The following PSMD5 variants were observed in gnomAD, a reference collection of about 807,000 sequenced individuals.
PSMD5 encodes the protein proteasome 26S subunit, non-ATPase 5.
Under a neutral mutation model 52.1 loss-of-function variants are expected in PSMD5, and 40 were observed. The observed-to-expected ratio is 0.77, with a 90% CI of 0.60 to 1.00. PSMD5 has a LOEUF of 1.00. PSMD5 is among the 50% of genes least tolerant of loss of function. The pLI, the probability that PSMD5 is intolerant of heterozygous loss-of-function variation, is 0.00. For missense variants in PSMD5, 575 were observed against 605.2 expected (o/e 0.95, Z 0.52); for synonymous variants, 211 against 226.6 (o/e 0.93, Z 0.62).
At chr9:120,837,158 G>A (rs763101634) in intron 1 of PSMD5, among the ~76,000 whole-genome samples, 24 of 152,100 alleles carry the variant, frequency 1.6e-4, no homozygotes, top group Non-Finnish European at 2.2e-4. Context: ...CAAAATGCTG[G>A]GATTACAGGC....
In PSMD5 at chr9:120,826,844, A is replaced by G. The variant is rs371086067; in HGVS notation, c.735T>C (p.Ala245=). 20 of 1,613,374 alleles carry G rather than the reference A, an allele frequency of 1.2e-5. No individual in the cohort carries two copies. The highest frequency in any genetic ancestry group is 1.7e-5 in the Non-Finnish European group (20 of 1,179,414). The part of the protein sequence containing the change: ...AYTHHGRQYL[A]QEGVIDQISN... ...AAATTTGGTCAATTACTCCTTCTTG[A>G]GCAAGATATTGTCGCCCATGATGAG... The change falls in exon 6 of 10, where the codon GCT becomes GCC. Residue 245 remains alanine (A), a synonymous_variant. Transcript: ENST00000210313.
At chr9:120,824,460 A>T (rs766977934) in intron 7 of PSMD5, 34 bp downstream of exon 7, 2 of 1,603,530 alleles carry the variant, frequency 1.2e-6, no homozygotes, top group Non-Finnish European at 8.5e-7. Context: ...GTCAAAGATT[A>T]AGATATCCCT....
At chr9:120,836,365 ATATC>A (rs1366017135) in intron 1 of PSMD5, among the ~76,000 whole-genome samples, 2 of 150,368 alleles carry the variant, frequency 1.3e-5, no homozygotes, top group African/African-American at 4.9e-5. Context: ...TTAATGTTGA[ATATC>A]TTTCTACGTG....
In PSMD5 at chr9:120,816,873, A is replaced by G. The variant is rs148844021; in HGVS notation, c.*1033T>C. 6.6e-6 allele frequency: 1 copy of G among 152,326 alleles called. No homozygotes were observed. Among genetic ancestry groups the G allele is most frequent in the Non-Finnish European group, 1.5e-5 (1 of 68,028 alleles). The allele number at this position is 152,326 out of a possible 1,614,324, so 9.4% of individuals were successfully genotyped here. A position where few individuals can be genotyped will look rare whatever the true frequency, so the allele number is the denominator to read the frequency against. ...GGAGTAAGTTTCCCTTTCTCTGATC[A>G]ACTCAAGATTGACTTTATAGGTATG... On this transcript the variant is annotated 3_prime_UTR_variant, in exon 10 of 10. Coordinates refer to ENST00000210313, the MANE Select transcript of PSMD5 (RefSeq NM_005047.4).
At chr9:120,831,229 G>A in intron 4 of PSMD5, 102 bp downstream of exon 4, 1 of 1,247,110 alleles carries the variant, frequency 8.0e-7, no homozygotes, top group African/African-American at 1.5e-5. Context: ...CCTACTGTAG[G>A]GCCAAACACA....
chr9:120,826,669 A>T, intron 6 of PSMD5, 96 bp downstream of exon 6: 1 of 1,397,980 alleles, frequency 7.2e-7, no homozygotes, highest in Non-Finnish European at 9.6e-7. Flanking sequence ...AAAGGAAAAC[A>T]ATCCCTGTCC....
Position 120,829,339 on chromosome 9 carries a change from CTCTT to C in PSMD5, c.562-135_562-132del, listed in dbSNP as rs372021519. The C allele has an allele frequency of 2.6e-6, 3 of 1,144,794 alleles. No homozygotes were observed. In the African/African-American group the frequency reaches 4.8e-5, roughly 18 times the overall value. 70.9% of individuals were successfully genotyped at this position (1,144,794 alleles called of 1,614,324 possible). On this transcript the variant is annotated intron_variant, in intron 4 of 9. Coordinates refer to ENST00000210313, the MANE Select transcript of PSMD5 (RefSeq NM_005047.4). ...GAGTTTTAAAAAATCCATTATTTGT[CTCTT>C]TAAGTAGAAAAACTTCAGTGAACGC...
At chr9:120,826,142 C>A (rs2045120485) in intron 6 of PSMD5, among the ~76,000 whole-genome samples, 1 of 151,908 alleles carries the variant, frequency 6.6e-6, no homozygotes, top group African/African-American at 2.4e-5. Context: ...CTACCGGCAC[C>A]CACCACCATG....
rs567419224 is a variant in PSMD5 at position 120,833,388 on chromosome 9, G to T, written c.242C>A (p.Ala81Asp). ...LLQAMEPVHV[A>D]RNLRVDLQRG... ...CTGCAGGTCAACCCTGAGGTTCCGG[G>T]CCACGTGAACCGGTTCCATAGCTTG... is the stretch of plus-strand genomic sequence containing the variant. The change falls in exon 2 of 10, where the codon GCC (alanine) becomes GAC (aspartate). Residue 81 changes from alanine (A) to aspartate (D), a missense_variant. Physicochemically the swap from Ala to Asp is moderately radical, Grantham distance 126. Coordinates refer to ENST00000210313, the MANE Select transcript of PSMD5 (RefSeq NM_005047.4). The T allele has an allele frequency of 1.9e-6, 3 of 1,613,976 alleles. No homozygotes were observed. The East Asian group carries it at 6.7e-5, about 36-fold the overall frequency.
chr9:120,824,731 C>T, intron 6 of PSMD5, 46 bp from the exon 7 acceptor site: 1 of 1,489,780 alleles, frequency 6.7e-7, no homozygotes, highest in Non-Finnish European at 9.1e-7. Context: ...AACAAGACAG[C>T]ATGAATTGCG....
chr9:120,839,712 A>C (rs1203568432), intron 1 of PSMD5, among the ~76,000 whole-genome samples: 1 of 152,202 alleles, frequency 6.6e-6, no homozygotes, highest in African/African-American at 2.4e-5. Context: ...AACTCTTTTA[A>C]ATGATCAAAT....
Position 120,830,198 on chromosome 9 carries a change from AACT to A in PSMD5, c.562-993_562-991del, listed in dbSNP as rs2045150314. On this transcript the variant is annotated intron_variant, in intron 4 of 9. Transcript: ENST00000210313. The stretch of plus-strand genomic sequence containing the variant: ...CAGAATGAGCCAAGGTCTAATACCC[AACT>A]AAGCAGACTGTGAGACACAGCCAGT... Among the ~76,000 whole-genome samples, 3 of 152,372 alleles carry A rather than the reference AACT, an allele frequency of 2.0e-5. No homozygotes were observed. In the South Asian group the frequency reaches 6.2e-4, roughly 32 times the overall value.
chr9:120,836,890 A>ATTTT (rs34718162), intron 1 of PSMD5, among the ~76,000 whole-genome samples: 1 of 136,022 alleles, frequency 7.4e-6, no homozygotes, highest in African/African-American at 2.7e-5. Flanking sequence ...CGAAGAACCG[A>ATTTT]TTTTTTTTTT....
At chr9:120,835,000 A>G (rs2131433473) in intron 1 of PSMD5, among the ~76,000 whole-genome samples, 1 of 152,384 alleles carries the variant, frequency 6.6e-6, no homozygotes, top group East Asian at 1.9e-4. Context: ...ATATATTGTT[A>G]GTAGTAGTAC....
intron 1 of PSMD5, among the ~76,000 whole-genome samples, chr9:120,835,522 C>T (rs2045191773): frequency 6.6e-6 from 1 of 152,016 alleles, no homozygotes; most frequent in African/African-American, 2.4e-5. Context: ...GTCAGGAGTT[C>T]AAGACCAGAC....
chr9:120,836,800 C>A (rs769868594), intron 1 of PSMD5, among the ~76,000 whole-genome samples: 4 of 151,702 alleles, frequency 2.6e-5, no homozygotes, highest in Admixed American at 1.3e-4. Context: ...GAAAAGAAGT[C>A]TTTTATCAGA....
At chr9:120,834,377 A>G (rs565808806) in intron 1 of PSMD5, among the ~76,000 whole-genome samples, 12 of 152,344 alleles carry the variant, frequency 7.9e-5, no homozygotes, top group African/African-American at 2.6e-4. Flanking sequence ...GGCTAAGACT[A>G]GAAACTATAG....
chr9:120,831,436 T>G lies in PSMD5; in HGVS notation c.456A>C (p.Ile152=). 6.2e-7 allele frequency: 1 copy of G among 1,609,800 alleles called. No homozygotes were observed. The highest frequency in any genetic ancestry group is 8.5e-7 in the Non-Finnish European group (1 of 1,178,798). Reference sequence around the variant, plus strand: ...CCTCCAGTCCAGCTTGGGTTAGTGATATTCTTGACAGGGATTTGATAGCCT... The same window carrying G: ...CCTCCAGTCCAGCTTGGGTTAGTGAGATTCTTGACAGGGATTTGATAGCCT... ...AKAAIKSLSR[I]SLTQAGLEAL... Residue 152 remains isoleucine, a synonymous_variant, in exon 4 of 10, where the codon ATA becomes ATC. Transcript: ENST00000210313.
intron 2 of PSMD5, 139 bp downstream of exon 2, chr9:120,833,173 G>T: frequency 3.0e-6 from 3 of 992,370 alleles, no homozygotes; most frequent in African/African-American, 1.6e-5. Context: ...TTCCTAGGGG[G>T]AAAGAGGGAG....
Sources: gnomAD v4.1 joint callset for allele counts (sites outside exome capture counted in the v4.1 genomes callset) on GRCh38, gnomAD v4.1.1 for gene constraint, MANE v1.5 for transcripts, NCBI Gene and HGNC (gene_info 2026-07-23, HGNC 2026-07-21) for gene names.